SORCS1: variants seen among roughly 807,000 people sequenced by gnomAD.
The protein encoded by SORCS1 is VPS10 domain-containing receptor SorCS1.
A neutral mutation model predicts 146.1 loss-of-function variants in SORCS1; 60 were observed. The observed-to-expected ratio is 0.41, with a 90% confidence interval of 0.33 to 0.51. SORCS1 has a LOEUF of 0.51. Ranked by LOEUF, SORCS1 falls within the 20% of genes least tolerant of loss-of-function variation. The probability of loss-of-function intolerance (pLI) is 0.21; values close to 1 mark genes in which losing one functional copy is unlikely to be tolerated. For synonymous variants in SORCS1, 637 were observed against 584.0 expected, an observed-to-expected ratio of 1.09 and a Z score of -1.31; for missense variants, 1,352 against 1,487.6, an observed-to-expected ratio of 0.91 and a Z score of 1.50.
At chr10:107,112,856 A>C (rs1281017817) in intron 1 of SORCS1, among the ~76,000 whole-genome samples, 1 of 152,204 alleles carries the variant, frequency 6.6e-6, no homozygotes, top group Non-Finnish European at 1.5e-5. Context: ...TAAACATATA[A>C]GGCAAAAATT....
At chr10:106,809,567 C>T (rs1156586583) in intron 3 of SORCS1, among the ~76,000 whole-genome samples, 2 of 152,278 alleles carry the variant, frequency 1.3e-5, no homozygotes, top group South Asian at 2.1e-4. Flanking sequence ...CAGAGGAAGG[C>T]TGAGCTCCTG....
At position 107,142,673 on chromosome 10, in the gene SORCS1, A is replaced by G. The variant is rs535238757; in HGVS notation, c.558+21296T>C. ...AATCCCTCTCAATCATTAGTACTTC[A>G]GTCTAATGTCCAGTTTCACCTGCGG... On this transcript the variant is annotated intron_variant, in intron 1 of 25. Coordinates refer to ENST00000263054, the MANE Select transcript of SORCS1 (RefSeq NM_052918.5). 3.9e-5 allele frequency among the ~76,000 whole-genome samples: 6 copies of G among 152,302 alleles called. 2 individuals carry two copies. The South Asian group carries it at 1.2e-3, about 32-fold the overall frequency.
At chr10:107,048,850 A>T (rs1959791015) in intron 1 of SORCS1, among the ~76,000 whole-genome samples, 1 of 152,198 alleles carries the variant, frequency 6.6e-6, no homozygotes, top group South Asian at 2.1e-4. Context: ...ACATGACACT[A>T]AGGCCATGTT....
At chr10:106,957,481 A>T (rs897546930) in intron 1 of SORCS1, among the ~76,000 whole-genome samples, 2 of 151,976 alleles carry the variant, frequency 1.3e-5, no homozygotes, top group African/African-American at 4.8e-5. Context: ...CTAGCATAGG[A>T]TTCTTAAATG....
At chr10:106,682,974 C>T (rs943999720) in intron 10 of SORCS1, among the ~76,000 whole-genome samples, 2 of 152,176 alleles carry the variant, frequency 1.3e-5, no homozygotes, top group Non-Finnish European at 2.9e-5. Flanking sequence ...CATGGCATAT[C>T]ATCAATTGGT....
chr10:106,623,932 C>T (rs941817440), intron 19 of SORCS1, among the ~76,000 whole-genome samples: 3 of 152,066 alleles, frequency 2.0e-5, no homozygotes, highest in African/African-American at 4.8e-5. Context: ...GATCCACCCA[C>T]CTCGGCCCCC....
At chr10:107,064,982 C>T (rs1961597694) in intron 1 of SORCS1, among the ~76,000 whole-genome samples, 1 of 152,120 alleles carries the variant, frequency 6.6e-6, no homozygotes, top group Non-Finnish European at 1.5e-5. Flanking sequence ...GCAACTCCGG[C>T]CCCCAAGCAC....
Position 107,126,225 on chromosome 10 carries a change from A to AAAAC in SORCS1, c.558+37740_558+37743dup, listed in dbSNP as rs1011809634. ...AACCAACGATCACTTCATCCTATCT[A>AAAAC]AAACAAACAAACAAACAAACAACAA... On this transcript the variant is annotated intron_variant, in intron 1 of 25. Coordinates refer to ENST00000263054, the MANE Select transcript of SORCS1 (RefSeq NM_052918.5). Among the ~76,000 whole-genome samples the AAAAC allele has an allele frequency of 1.6e-4, 24 of 152,194 alleles. No homozygotes were observed. In the South Asian group the frequency reaches 2.1e-3, roughly 13 times the overall value.
chr10:107,034,046 C>T (rs1439566064), intron 1 of SORCS1, among the ~76,000 whole-genome samples: 1 of 152,236 alleles, frequency 6.6e-6, no homozygotes. Flanking sequence ...AACTGTTAAT[C>T]AGCATCACAA....
chr10:106,967,393 A>AT (rs1243348809), intron 1 of SORCS1, among the ~76,000 whole-genome samples: 5 of 152,078 alleles, frequency 3.3e-5, no homozygotes, highest in East Asian at 1.9e-4. Flanking sequence ...TAAATTAAAT[A>AT]TTTTTTCTAG....
At chr10:106,765,374 T>G (rs1254076894) in intron 4 of SORCS1, among the ~76,000 whole-genome samples, 6 of 100,144 alleles carry the variant, frequency 6.0e-5, no homozygotes, top group Middle Eastern at 9.9e-3. Context: ...TCCTGAAGGG[T>G]TTTTTTTTTT....
intron 17 of SORCS1, among the ~76,000 whole-genome samples, chr10:106,660,905 G>A (rs1036667190): frequency 6.6e-6 from 1 of 152,132 alleles, no homozygotes; most frequent in African/African-American, 2.4e-5. Context: ...AGCACCTCTA[G>A]AAATATCTCC....
chr10:107,015,699 T>G (rs759870852), intron 1 of SORCS1, among the ~76,000 whole-genome samples: 10 of 152,272 alleles, frequency 6.6e-5, no homozygotes, highest in Admixed American at 1.3e-4. Context: ...TGAGGACAGA[T>G]GTTTTGCAAG....
chr10:106,629,749 A>C (rs888387769), intron 18 of SORCS1, among the ~76,000 whole-genome samples: 4 of 152,208 alleles, frequency 2.6e-5, no homozygotes, highest in Non-Finnish European at 5.9e-5. Context: ...CAACTTTAAA[A>C]ATTTAGCTTA....
At chr10:106,674,328 C>CAAGAAAAAAAA (rs1851854499) in intron 14 of SORCS1, among the ~76,000 whole-genome samples, 1 of 27,374 alleles carries the variant, frequency 3.7e-5, no homozygotes, top group Non-Finnish European at 5.4e-5. Flanking sequence ...GACTCCGTCT[C>CAAGAAAAAAAA]AAAAAAAAAA....
chr10:106,701,513 T>C (rs1854138039), intron 8 of SORCS1, among the ~76,000 whole-genome samples: 2 of 152,100 alleles, frequency 1.3e-5, no homozygotes, highest in Admixed American at 6.5e-5. Context: ...GCAGTAAGAA[T>C]AAAAAAGAAA....
Position 106,574,551 on chromosome 10 carries a change from T to C in SORCS1, c.*2869A>G, listed in dbSNP as rs963131728. The C allele has an allele frequency of 6.6e-6, 1 of 152,588 alleles. No homozygotes were observed. Among genetic ancestry groups the C allele is most frequent in the African/African-American group, 2.4e-5 (1 of 41,420 alleles). The allele number at this position is 152,588 out of a possible 1,614,324, so 9.5% of individuals were successfully genotyped here. On this transcript the variant is annotated 3_prime_UTR_variant, in exon 26 of 26. Coordinates refer to ENST00000263054, the MANE Select transcript of SORCS1 (RefSeq NM_052918.5). ...AAACTTTAGTATGTATCACAATCAC[T>C]GGGAGGGCTTGTTAAAATAGGTGGC...
intron 1 of SORCS1, among the ~76,000 whole-genome samples, chr10:107,113,308 T>C (rs1030303064): frequency 2.0e-5 from 3 of 151,770 alleles, no homozygotes; most frequent in Admixed American, 6.6e-5. Context: ...TTGAGACAAA[T>C]GAAAATAAAA....
intron 2 of SORCS1, among the ~76,000 whole-genome samples, chr10:106,851,329 T>C (rs1949563333): frequency 1.3e-5 from 2 of 152,230 alleles, no homozygotes; most frequent in Admixed American, 1.3e-4. Flanking sequence ...GTTCTGCATT[T>C]TACATTTAGG....
Sources: gnomAD v4.1 joint callset for allele counts (sites outside exome capture counted in the v4.1 genomes callset) on GRCh38, gnomAD v4.1.1 for gene constraint, MANE v1.5 for transcripts, NCBI Gene and HGNC (gene_info 2026-07-23, HGNC 2026-07-21) for gene names.